Variants in MTHFSD observed in about 807,000 individuals in gnomAD.
MTHFSD encodes methenyltetrahydrofolate synthetase domain containing, also known as methenyltetrahydrofolate synthase domain-containing protein.
A neutral mutation model predicts 31.1 loss-of-function variants in MTHFSD; 37 were observed. The ratio of observed to expected loss-of-function variants is 1.19; its 90% CI spans 0.91 to 1.56. The LOEUF (loss-of-function observed/expected upper bound fraction) is 1.56. Among genes scored for constraint, MTHFSD ranks in the 40% most tolerant of loss-of-function variants. The pLI, the probability that MTHFSD is intolerant of heterozygous loss-of-function variation, is 0.00. For synonymous variants in MTHFSD, 221 were observed against 206.9 expected (o/e 1.07, Z -0.59); for missense variants, 664 against 510.1 (o/e 1.30, Z -2.91).
chr16:86,544,350 G>C (rs567767120), intron 5 of MTHFSD, among the ~76,000 whole-genome samples: 4 of 152,206 alleles, frequency 2.6e-5, no homozygotes, highest in Admixed American at 6.5e-5. Context: ...CTAATATCCA[G>C]AGTCTGTAAG....
At chr16:86,536,014 C>G (rs907616145) in intron 7 of MTHFSD, among the ~76,000 whole-genome samples, 3 of 152,158 alleles carry the variant, frequency 2.0e-5, no homozygotes, top group African/African-American at 7.2e-5. Flanking sequence ...ACCACCACAC[C>G]CAGCTAAGTT....
At chr16:86,547,813 G>A (rs1025613527) in intron 4 of MTHFSD, among the ~76,000 whole-genome samples, 4 of 152,074 alleles carry the variant, frequency 2.6e-5, no homozygotes, top group South Asian at 2.1e-4. Context: ...ATAAAAAAGC[G>A]TATCTTCAAT....
chr16:86,547,965 A>G lies in MTHFSD; in HGVS notation c.351+499T>C, dbSNP rs912680127. On this transcript the variant is annotated intron_variant, in intron 4 of 7. Transcript: ENST00000360900. ...TAATGCACCCTAAAGTCATATTTGTACACTTGGTTTTACTAAATTGTGAGG... is the reference window on the plus strand; with the variant it reads ...TAATGCACCCTAAAGTCATATTTGTGCACTTGGTTTTACTAAATTGTGAGG... 3.6e-6 allele frequency: 4 copies of G among 1,111,412 alleles called. No homozygotes were observed. The African/African-American group carries it at 6.4e-5, about 18-fold the overall frequency. The allele number at this position is 1,111,412 out of a possible 1,614,324, so 68.8% of individuals were successfully genotyped here.
At chr16:86,553,900 G>C (rs140908597) in intron 2 of MTHFSD, among the ~76,000 whole-genome samples, 1 of 152,312 alleles carries the variant, frequency 6.6e-6, no homozygotes, top group Non-Finnish European at 1.5e-5. Context: ...GTCTAGCTCA[G>C]AGTTTGTGAA....
rs572949977 is a variant in MTHFSD at position 86,532,687 on chromosome 16, C to G, written c.682-206G>C. On this transcript the variant is annotated intron_variant, in intron 7 of 7. Coordinates refer to ENST00000360900, the MANE Select transcript of MTHFSD (RefSeq NM_001159377.2). ...CCAGTCTGTAGCTCTGCCCCTCGCC[C>G]CTGGCTTAAGGGAAGTCAGCACTCA... The G allele has an allele frequency of 4.3e-3, 1,683 of 395,828 alleles. 11 individuals are homozygous for G. The highest frequency in any genetic ancestry group is 4.6e-3 in the Admixed American group (104 of 22,400). 24.5% of individuals were successfully genotyped at this position (395,828 alleles called of 1,614,324 possible).
At chr16:86,545,849 C>G (rs570956681) in intron 5 of MTHFSD, among the ~76,000 whole-genome samples, 38 of 152,330 alleles carry the variant, frequency 2.5e-4, no homozygotes, top group African/African-American at 8.7e-4. Context: ...GTCCCCAGCC[C>G]CGATGACACA....
At chr16:86,548,688 G>T in intron 3 of MTHFSD, 111 bp from the exon 4 acceptor site, 1 of 794,428 alleles carries the variant, frequency 1.3e-6, no homozygotes, top group Non-Finnish European at 1.9e-6. Context: ...TTATCCGCAT[G>T]GTTTTTTTTG....
chr16:86,540,995 C>A (rs983084971), intron 7 of MTHFSD: 4 of 1,175,940 alleles, frequency 3.4e-6, no homozygotes, highest in Non-Finnish European at 3.2e-6. Flanking sequence ...AGGAGGGATT[C>A]AAACGGTGAA....
At chr16:86,548,214 T>C in intron 4 of MTHFSD, 1 of 1,044,630 alleles carries the variant, frequency 9.6e-7, no homozygotes, top group East Asian at 4.0e-5. Context: ...TCCCTTTTCT[T>C]ACAATAAGGA....
At position 86,555,198 on chromosome 16, in the gene MTHFSD, C is replaced by T. The variant is rs957685147; in HGVS notation, c.-14G>A. On this transcript the variant is annotated 5_prime_UTR_variant, in exon 1 of 8. Transcript: ENST00000360900. ...CCTCGGCTCCATGGTGATGCAGTCG[C>T]TGTGCGACGCTTCCCGGCGCAGGTT... is the stretch of plus-strand genomic sequence containing the variant. 2.0e-6 allele frequency: 3 copies of T among 1,536,758 alleles called. No homozygotes were observed. The highest frequency in any genetic ancestry group is 1.7e-6 in the Non-Finnish European group (2 of 1,146,538).
Position 86,555,190 on chromosome 16 carries a change from T to TGC in MTHFSD, c.-8_-7dup, listed in dbSNP as rs1973928237. The TGC allele has an allele frequency of 9.8e-6, 15 of 1,536,948 alleles. No homozygotes were observed. The highest frequency in any genetic ancestry group is 1.7e-4 in the Middle Eastern group (1 of 5,904). ...CCACCTGCCCTCGGCTCCATGGTGA[T>TGC]GCAGTCGCTGTGCGACGCTTCCCGG... On this transcript the variant is annotated 5_prime_UTR_variant, in exon 1 of 8. Transcript: ENST00000360900.
intron 3 of MTHFSD, 198 bp downstream of exon 3, chr16:86,551,835 T>C (rs902430643): frequency 4.2e-6 from 4 of 963,854 alleles, no homozygotes; most frequent in Non-Finnish European, 5.9e-6. Flanking sequence ...GGACTCCTGA[T>C]TGACTGAATT....
chr16:86,547,957 ATATTTGT>A, intron 4 of MTHFSD: 2 of 1,060,994 alleles, frequency 1.9e-6, no homozygotes, highest in Non-Finnish European at 2.5e-6. Context: ...CCCTAAAGTC[ATATTTGT>A]ACACTTGGTT....
At position 86,531,909 on chromosome 16, in the gene MTHFSD, C is replaced by G; in HGVS notation, c.*102G>C. 1 of 773,220 alleles carries G rather than the reference C, an allele frequency of 1.3e-6. No individual in the cohort carries two copies. The highest frequency in any genetic ancestry group is 1.9e-6 in the Non-Finnish European group (1 of 530,474). The allele number at this position is 773,220 out of a possible 1,614,324, so 47.9% of individuals were successfully genotyped here. A position where few individuals can be genotyped will look rare whatever the true frequency, so the allele number is the denominator to read the frequency against. On this transcript the variant is annotated 3_prime_UTR_variant, in exon 8 of 8. Transcript: ENST00000360900. This position sits in a 1 kb window ranked among gnomAD's most constrained non-coding sequence, Gnocchi z 5.5. ...GACCCGAGCAGCTCAGGCGGTGGCT[C>G]CGACACGTCTTGCCACGCAGGCCTC...
chr16:86,540,470 G>C (rs1002850138), intron 7 of MTHFSD, among the ~76,000 whole-genome samples: 2 of 152,158 alleles, frequency 1.3e-5, no homozygotes, highest in African/African-American at 4.8e-5. Flanking sequence ...GCTGTTCCTA[G>C]CTCTCTGCCA....
chr16:86,532,307 C>G lies in MTHFSD; in HGVS notation c.856G>C (p.Glu286Gln). The G allele has an allele frequency of 1.3e-6, 2 of 1,584,892 alleles. No homozygotes were observed. Among genetic ancestry groups the G allele is most frequent in the Non-Finnish European group, 1.7e-6 (2 of 1,167,942 alleles). Residue 286 changes from glutamate to glutamine, a missense_variant, in exon 8 of 8, where the codon GAA (glutamate) becomes CAA (glutamine). Coordinates refer to ENST00000360900, the MANE Select transcript of MTHFSD (RefSeq NM_001159377.2). ...GRRPPDTPGPETNSMEAAPGS... is the reference protein window; with the variant it reads ...GRRPPDTPGPQTNSMEAAPGS... ...GGGGCTGCCTCCATGGAATTGGTTT[C>G]TGGTCCGGGTGTGTCCGGGGGCCTC...
At position 86,532,113 on chromosome 16, in the gene MTHFSD, C is replaced by T. The variant is rs759311695; in HGVS notation, c.1050G>A (p.Pro350=). The part of the protein sequence containing the change: ...GPRRRAFLHY[P]DSAAAQQAVS... ...CGGCCTGCTGGGCTGCGGCAGAGTCCGGGTAATGGAGGAAGGCTCTGCGCC... is the reference window on the plus strand; with the variant it reads ...CGGCCTGCTGGGCTGCGGCAGAGTCTGGGTAATGGAGGAAGGCTCTGCGCC... The change falls in exon 8 of 8, where the codon CCG becomes CCA. Residue 350 remains proline (P), a synonymous_variant. Coordinates refer to ENST00000360900, the MANE Select transcript of MTHFSD (RefSeq NM_001159377.2). 1.1e-5 allele frequency: 17 copies of T among 1,543,638 alleles called. No individual in the cohort carries two copies. The highest frequency in any genetic ancestry group is 4.1e-5 in the African/African-American group (3 of 72,652).
chr16:86,543,001 C>T (rs1469622310), intron 5 of MTHFSD, among the ~76,000 whole-genome samples: 3 of 152,178 alleles, frequency 2.0e-5, no homozygotes, highest in Admixed American at 6.5e-5. Context: ...TCACTGCTGC[C>T]GTGTCTAAGA....
intron 7 of MTHFSD, chr16:86,541,088 T>G (rs1189556923): frequency 7.9e-7 from 1 of 1,267,568 alleles, no homozygotes; most frequent in Non-Finnish European, 1.0e-6. Context: ...ACAAATGTCT[T>G]CTCAGTAATT....
Sources: gnomAD v4.1 joint callset for allele counts (sites outside exome capture counted in the v4.1 genomes callset) on GRCh38, gnomAD v4.1.1 for gene constraint, Gnocchi (gnomAD v3.1) non-coding constraint, MANE v1.5 for transcripts, NCBI Gene and HGNC (gene_info 2026-07-23, HGNC 2026-07-21) for gene names.